SH3BP1: variants seen among roughly 807,000 people sequenced by gnomAD.
The protein encoded by SH3BP1 is SH3 domain binding protein 1.
A neutral mutation model predicts 69.8 loss-of-function variants in SH3BP1; 46 were observed. The ratio of observed to expected loss-of-function variants is 0.66; its 90% CI spans 0.52 to 0.84. The LOEUF (loss-of-function observed/expected upper bound fraction) is 0.84, where lower values mean the gene tolerates loss of function less well. Among genes scored for constraint, SH3BP1 ranks in the 40% least tolerant of loss-of-function variants. The probability of loss-of-function intolerance (pLI) is 0.00; values close to 1 mark genes in which losing one functional copy is unlikely to be tolerated. For missense variants in SH3BP1, 868 were observed against 930.9 expected, an observed-to-expected ratio of 0.93 and a Z score of 0.88; for synonymous variants, 403 against 378.0, an observed-to-expected ratio of 1.07 and a Z score of -0.77.
intron 17 of SH3BP1, among the ~76,000 whole-genome samples, chr22:37,655,011 C>A (rs547137171): frequency 6.8e-6 from 1 of 146,390 alleles, no homozygotes; most frequent in Non-Finnish European, 1.5e-5. Context: ...AAAAGTCCTG[C>A]GAAGAAAATA....
intron 11 of SH3BP1, 41 bp downstream of exon 11, chr22:37,646,970 AG>A: frequency 1.5e-6 from 2 of 1,330,302 alleles, no homozygotes; most frequent in South Asian, 1.4e-5. Flanking sequence ...GTTGGGGGGG[AG>A]GGGGTGCAGT....
chr22:37,650,735 G>A lies in SH3BP1; in HGVS notation c.1598+10G>A. Reference sequence around the variant, plus strand: ...CAGCTACCAAGGAAAGGTGAGGACTGAGGGGCTTGAATGGCTCCTGTGGTA... The same window carrying A: ...CAGCTACCAAGGAAAGGTGAGGACTAAGGGGCTTGAATGGCTCCTGTGGTA... On this transcript the variant is annotated intron_variant, in intron 16 of 17. Coordinates refer to ENST00000649765, the MANE Select transcript of SH3BP1 (RefSeq NM_018957.6). The A allele has an allele frequency of 1.3e-6, 2 of 1,597,512 alleles. No individual in the cohort carries two copies. The highest frequency in any genetic ancestry group is 8.5e-7 in the Non-Finnish European group (1 of 1,170,386).
At position 37,655,393 on chromosome 22, in the gene SH3BP1, GC is replaced by G; in HGVS notation, c.1819del (p.Arg607AspfsTer51). On this transcript the variant is annotated frameshift_variant, in exon 18 of 18. Transcript: ENST00000649765. LOFTEE classifies it low-confidence loss of function (END_TRUNC). Reference sequence around the variant, plus strand: ...GCAGCCCTGGGACCCCCCAAGCCCTGCCCCGACGTCTGGTTGGCAGCAGCCT... The same window carrying G: ...GCAGCCCTGGGACCCCCCAAGCCCTGCCCGACGTCTGGTTGGCAGCAGCCT... ...SGSPGTPQAL[P>X]RRLVGSSLRA... is the part of the protein sequence containing the mutation. 1 of 1,300,298 alleles carries G rather than the reference GC, an allele frequency of 7.7e-7. No individual in the cohort carries two copies. Among genetic ancestry groups the G allele is most frequent in the Non-Finnish European group, 9.9e-7 (1 of 1,011,174 alleles). 80.5% of individuals were successfully genotyped at this position (1,300,298 alleles called of 1,614,324 possible). A position where few individuals can be genotyped will look rare whatever the true frequency, so the allele number is the denominator to read the frequency against.
At position 37,656,084 on chromosome 22, in the gene SH3BP1, T is replaced by A; in HGVS notation, c.*400T>A. On this transcript the variant is annotated 3_prime_UTR_variant, in exon 18 of 18. Coordinates refer to ENST00000649765, the MANE Select transcript of SH3BP1 (RefSeq NM_018957.6). ...ATAGTTTTATTTTCTGTCCTTGAAA[T>A]AAAGAAGCCAATTTTATAAAGGGGA... 6.1e-6 allele frequency: 8 copies of A among 1,301,018 alleles called. No individual in the cohort carries two copies. The highest frequency in any genetic ancestry group is 8.1e-6 in the Non-Finnish European group (8 of 991,788). 80.6% of individuals were successfully genotyped at this position (1,301,018 alleles called of 1,614,324 possible).
chr22:37,648,551 G>A, intron 14 of SH3BP1, 116 bp downstream of exon 14: 1 of 720,422 alleles, frequency 1.4e-6, no homozygotes, highest in Admixed American at 2.1e-5. Flanking sequence ...GGGTTGAGCA[G>A]CTCCTGTTTT....
intron 17 of SH3BP1, among the ~76,000 whole-genome samples, chr22:37,654,487 C>A (rs1932960605): frequency 6.6e-6 from 1 of 151,990 alleles, no homozygotes; most frequent in Non-Finnish European, 1.5e-5. Flanking sequence ...AGGAGAATCA[C>A]TTGAACCCGG....
At chr22:37,640,720 G>C in intron 1 of SH3BP1, 1 of 255,102 alleles carries the variant, frequency 3.9e-6, no homozygotes, top group South Asian at 4.2e-5. Context: ...GTGTGACTGT[G>C]CCTAGGAGTC....
In SH3BP1 at chr22:37,643,190, G is replaced by T. The variant is rs200256709; in HGVS notation, c.473+16G>T. On this transcript the variant is annotated intron_variant, in intron 6 of 17. Coordinates refer to ENST00000649765, the MANE Select transcript of SH3BP1 (RefSeq NM_018957.6). ...TCAAGAGCAGGTGGGAGCCCCAGCCGCTCAGGGGGCTCATATCTGGGTCAG... is the reference window on the plus strand; with the variant it reads ...TCAAGAGCAGGTGGGAGCCCCAGCCTCTCAGGGGGCTCATATCTGGGTCAG... 27 of 1,593,718 alleles carry T rather than the reference G, an allele frequency of 1.7e-5. No individual in the cohort carries two copies. In the African/African-American group the frequency reaches 3.2e-4, roughly 19 times the overall value.
intron 8 of SH3BP1, 48 bp downstream of exon 8, chr22:37,644,753 G>A: frequency 4.3e-6 from 7 of 1,610,006 alleles, no homozygotes; most frequent in Non-Finnish European, 6.0e-6. Flanking sequence ...GGGGCTGAAT[G>A]CCAGAGCCAG....
Position 37,647,317 on chromosome 22 carries a change from G to A in SH3BP1, c.1087G>A (p.Asp363Asn), listed in dbSNP as rs1383114339. The change falls in exon 12 of 18, where the codon GAC (aspartate) becomes AAC (asparagine). Residue 363 changes from aspartate (D) to asparagine (N), a missense_variant. By Grantham distance (23) the Asp-to-Asn change is conservative. Coordinates refer to ENST00000649765, the MANE Select transcript of SH3BP1 (RefSeq NM_018957.6). ...GCTGCCAGAGCCTCTGATGACCTTC[G>A]ACCTCTATGATGACTGGATGAGGGC... is the stretch of plus-strand genomic sequence containing the variant. ...RELPEPLMTF[D>N]LYDDWMRAAS... 7 of 1,613,866 alleles carry A rather than the reference G, an allele frequency of 4.3e-6. No homozygotes were observed. The highest frequency in any genetic ancestry group is 2.7e-5 in the African/African-American group (2 of 74,880).
At position 37,642,550 on chromosome 22, in the gene SH3BP1, C is replaced by T. The variant is rs1296723738; in HGVS notation, c.219C>T (p.Pro73=). The change falls in exon 4 of 18, where the codon CCC becomes CCT. Residue 73 remains proline (P), a synonymous_variant. Transcript: ENST00000649765. ...ADMDKRVKKL[P]LMALSTTMAE... ...CACCCTCCCTGCAGAAGAAGCTTCC[C>T]CTCATGGCTCTGTCCACCACGATGG... 1.9e-6 allele frequency: 3 copies of T among 1,613,222 alleles called. No homozygotes were observed. Among genetic ancestry groups the T allele is most frequent in the Non-Finnish European group, 2.5e-6 (3 of 1,179,954 alleles).
At chr22:37,651,475 G>A (rs1368369638) in intron 16 of SH3BP1, among the ~76,000 whole-genome samples, 2 of 151,172 alleles carry the variant, frequency 1.3e-5, no homozygotes, top group East Asian at 1.9e-4. Flanking sequence ...GACTTCAGGC[G>A]TGCACCACCA....
chr22:37,642,105 A>G (rs1932617450), intron 3 of SH3BP1: 2 of 190,958 alleles, frequency 1.0e-5, no homozygotes, highest in South Asian at 2.0e-4. Flanking sequence ...TCAGTTGACA[A>G]TTCAGTGTGG....
rs1439497459 is a variant in SH3BP1 at position 37,641,439 on chromosome 22, T to C, written c.168T>C (p.Cys56=). Residue 56 remains cysteine, a synonymous_variant, in exon 3 of 18, where the codon TGT becomes TGC. Transcript: ENST00000649765. ...AHNIHKRLQA[C]LQGQSGADMD... is the part of the protein sequence containing the mutation. ...ACATCCACAAGCGGCTGCAGGCCTG[T>C]CTGCAGGGCCAGAGCGGGGCAGACA... 3.5e-5 allele frequency: 55 copies of C among 1,551,048 alleles called. 1 individual carries two copies. The East Asian group carries it at 1.3e-3, about 38-fold the overall frequency.
At chr22:37,641,345 G>C in intron 2 of SH3BP1, 29 bp from the exon 3 acceptor site, 2 of 1,549,290 alleles carry the variant, frequency 1.3e-6, no homozygotes, top group Non-Finnish European at 1.7e-6. Flanking sequence ...AGCCTCTCTT[G>C]ATCCTTAACC....
chr22:37,646,691 T>G lies in SH3BP1; in HGVS notation c.925-127T>G, dbSNP rs1264391414. The G allele has an allele frequency of 2.3e-5, 11 of 484,998 alleles. 1 individual carries two copies. The highest frequency in any genetic ancestry group is 3.9e-5 in the Admixed American group (1 of 25,810). The allele number at this position is 484,998 out of a possible 1,614,324, so 30.0% of individuals were successfully genotyped here. ...CCCGTGGACACCGTGGTGCCCACACTGCCAGCCAGACCAGCGGGGACACAG... is the reference window on the plus strand; with the variant it reads ...CCCGTGGACACCGTGGTGCCCACACGGCCAGCCAGACCAGCGGGGACACAG... On this transcript the variant is annotated intron_variant, in intron 10 of 17. Coordinates refer to ENST00000649765, the MANE Select transcript of SH3BP1 (RefSeq NM_018957.6).
intron 2 of SH3BP1, 24 bp downstream of exon 2, chr22:37,641,192 G>A: frequency 6.5e-7 from 1 of 1,549,584 alleles, no homozygotes; most frequent in Non-Finnish European, 8.7e-7. Flanking sequence ...CCGGGCAGGT[G>A]GGAAGGCAGG....
Position 37,650,162 on chromosome 22 carries a change from C to T in SH3BP1, c.1327C>T (p.Gln443Ter), listed in dbSNP as rs924153197. The change falls in exon 15 of 18, where the codon CAG becomes TAG. Residue 443 changes from glutamine (Q) to a stop codon, truncating the protein, a stop_gained. Coordinates refer to ENST00000649765, the MANE Select transcript of SH3BP1 (RefSeq NM_018957.6). LOFTEE classifies it high-confidence loss of function. Reference sequence around the variant, plus strand: ...ATCTCTTTGTCCCAGGGACCAGGCCCAGCTGGATGCAGCCTCCGTGTCTTC... The same window carrying T: ...ATCTCTTTGTCCCAGGGACCAGGCCTAGCTGGATGCAGCCTCCGTGTCTTC... Reference protein sequence around the residue: ...WPPEKEGDQAQLDAASVSSIQ... With the variant: ...WPPEKEGDQA 6.2e-7 allele frequency: 1 copy of T among 1,614,112 alleles called. No homozygotes were observed. Among genetic ancestry groups the T allele is most frequent in the Non-Finnish European group, 8.5e-7 (1 of 1,180,028 alleles).
chr22:37,645,022 A>G (rs936404327), intron 9 of SH3BP1, 62 bp downstream of exon 9: 38 of 1,421,694 alleles, frequency 2.7e-5, no homozygotes, highest in Admixed American at 3.7e-5. Flanking sequence ...GCTTATTGAG[A>G]AGCTCGCACT....
Sources: gnomAD v4.1 joint callset for allele counts (sites outside exome capture counted in the v4.1 genomes callset) on GRCh38, gnomAD v4.1.1 for gene constraint, MANE v1.5 for transcripts, NCBI Gene and HGNC (gene_info 2026-07-23, HGNC 2026-07-21) for gene names.